The following DDX3X variants were observed in gnomAD, a reference collection of about 807,000 sequenced individuals.
DDX3X encodes the protein DEAD-box helicase 3 X-linked.
A neutral mutation model predicts 52.7 loss-of-function variants in DDX3X; 4 were observed. That is an observed-to-expected ratio of 0.08 (90% confidence interval 0.04 to 0.17). DDX3X has a LOEUF of 0.17. Among genes scored for constraint, DDX3X ranks in the 10% least tolerant of loss-of-function variants. DDX3X has a pLI of 1.00. For missense variants in DDX3X, 222 were observed against 548.6 expected (o/e 0.40, Z 5.95); for synonymous variants, 192 against 178.1 (o/e 1.08, Z -0.62).
intron 1 of DDX3X, chrX:41,334,558 G>A (rs1403876456): frequency 2.7e-6 from 3 of 1,094,173 alleles, no homozygotes; most frequent in East Asian, 6.8e-5. Context: ...GCGGGCGGAG[G>A]GGGAGGAAGT....
chrX:41,342,275 A>C (rs1398653496), intron 4 of DDX3X: 6 of 386,810 alleles, frequency 1.6e-5, no homozygotes, highest in Non-Finnish European at 2.6e-5. Flanking sequence ...CTTTTAGGCT[A>C]TACAACTTTA....
At chrX:41,344,995 A>C (rs1165485216) in intron 10 of DDX3X, among the ~76,000 whole-genome samples, 185 bp from the exon 11 acceptor site, 1 of 111,991 alleles carries the variant, frequency 8.9e-6, no homozygotes, top group African/African-American at 3.2e-5. Context: ...TGAATGACTT[A>C]TGTAGTGGCA....
Position 41,334,309 on chromosome X carries a change from G to T in DDX3X, c.45+12G>T. 2 of 1,210,232 alleles carry T rather than the reference G, an allele frequency of 1.7e-6. No individual in the cohort carries two copies. Among genetic ancestry groups the T allele is most frequent in the Admixed American group, 2.2e-5 (1 of 46,030 alleles). On this transcript the variant is annotated intron_variant, in intron 1 of 16. Coordinates refer to ENST00000644876, the MANE Select transcript of DDX3X (RefSeq NM_001356.5). ...GGCTGGACCAGCAGGTGAGCCGCAA[G>T]AACCCCACCGGGCTGGCTGCTGCGT...
chrX:41,341,688 T>G lies in DDX3X; in HGVS notation c.284+72T>G, dbSNP rs146299715. ...AATAAGTCGTTATCCTGACCACCTGTTTGGATGTTAAGCATTATGTCTGTT... is the reference window on the plus strand; with the variant it reads ...AATAAGTCGTTATCCTGACCACCTGGTTGGATGTTAAGCATTATGTCTGTT... On this transcript the variant is annotated intron_variant, in intron 4 of 16. Coordinates refer to ENST00000644876, the MANE Select transcript of DDX3X (RefSeq NM_001356.5). 865 of 1,020,952 alleles carry G rather than the reference T, an allele frequency of 8.5e-4. 10 individuals carry two copies. The African/African-American group carries it at 0.013, about 16-fold the overall frequency. 84.1% of individuals were successfully genotyped at this position (1,020,952 alleles called of 1,213,427 possible). A position where few individuals can be genotyped will look rare whatever the true frequency, so the allele number is the denominator to read the frequency against.
chrX:41,341,567 A>G lies in DDX3X; in HGVS notation c.235A>G (p.Arg79Gly). The change falls in exon 4 of 17, where the codon AGA becomes GGA. Residue 79 changes from arginine to glycine, a missense_variant. Arg to Gly is a moderately radical substitution (Grantham distance 125). Transcript: ENST00000644876. ...YSSFGSRSDS[R>G]GKSSFFSDRG... ...CAGTTTTGGATCTCGTAGTGATTCA[A>G]GAGGGAAGTCTAGCTTCTTCAGTGA... 2 of 1,211,241 alleles carry G rather than the reference A, an allele frequency of 1.7e-6. No homozygotes were observed. The highest frequency in any genetic ancestry group is 2.2e-6 in the Non-Finnish European group (2 of 894,791).
intron 5 of DDX3X, chrX:41,364,183 G>A (rs905082347): frequency 1.0e-5 from 3 of 292,420 alleles, no homozygotes; most frequent in African/African-American, 8.2e-5. Context: ...GGAGTAGGTG[G>A]GAGTATTAGG....
intron 1 of DDX3X, chrX:41,334,629 T>G (rs1381089593): frequency 9.3e-7 from 1 of 1,074,583 alleles, no homozygotes; most frequent in Non-Finnish European, 1.2e-6. Flanking sequence ...CCTGGGGGGG[T>G]TTGCGGGAGT....
chrX:41,334,137 G>A, upstream of DDX3X: 2 of 741,872 alleles, frequency 2.7e-6, no homozygotes, highest in Non-Finnish European at 4.0e-6. Flanking sequence ...GGGTATATTA[G>A]ATCCGTGGCC....
chrX:41,336,896 TCTAA>T (rs1236310228), intron 1 of DDX3X, among the ~76,000 whole-genome samples: 1 of 112,428 alleles, frequency 8.9e-6, no homozygotes, highest in Non-Finnish European at 1.9e-5. Context: ...GGATGAAGTA[TCTAA>T]CTAAAAGAAC....
intron 5 of DDX3X, among the ~76,000 whole-genome samples, chrX:41,363,737 C>T (rs188751325): frequency 1.8e-5 from 2 of 111,253 alleles, no homozygotes; most frequent in East Asian, 5.7e-4. Flanking sequence ...GAGCCGAGAT[C>T]GCACCATTGC....
At position 41,350,064 on chromosome X, in the gene DDX3X, T is replaced by G. The variant is rs2063971241; in HGVS notation, c.*2345T>G. 2 of 112,377 alleles carry G rather than the reference T, an allele frequency of 1.8e-5. No individual in the cohort carries two copies. Among genetic ancestry groups the G allele is most frequent in the Admixed American group, 9.5e-5 (1 of 10,508 alleles). The allele number at this position is 112,377 out of a possible 1,213,427, so 9.3% of individuals were successfully genotyped here. A position where few individuals can be genotyped will look rare whatever the true frequency, so the allele number is the denominator to read the frequency against. ...AGTTAATAAGGTTTCAAAAATCATG[T>G]AAGGATTTAAACTTGCTGAATGTAA... On this transcript the variant is annotated 3_prime_UTR_variant, in exon 17 of 17. Transcript: ENST00000644876.
intron 3 of DDX3X, chrX:41,340,467 A>G (rs779480905): frequency 1.9e-5 from 3 of 155,073 alleles, no homozygotes; most frequent in African/African-American, 3.1e-5. Context: ...TTTCTGTTTA[A>G]TAAGGTGTTG....
In DDX3X at chrX:41,334,185, G is replaced by A. The variant is rs1335685155; in HGVS notation, c.-68G>A. The A allele has an allele frequency of 5.5e-6, 6 of 1,088,900 alleles. No homozygotes were observed. The highest frequency in any genetic ancestry group is 7.6e-6 in the Non-Finnish European group (6 of 794,281). 89.7% of individuals were successfully genotyped at this position (1,088,900 alleles called of 1,213,427 possible). On this transcript the variant is annotated 5_prime_UTR_variant, in exon 1 of 17. Transcript: ENST00000644876. ...CCAGAGCCGCAGTTCTCCCGTGAGA[G>A]GGCCTTCGCGGTGGAACAAACACTC...
downstream of DDX3X, chrX:41,351,745 C>G (rs2063988410): frequency 9.0e-6 from 1 of 111,658 alleles, no homozygotes; most frequent in Non-Finnish European, 1.9e-5. Flanking sequence ...TCTAATGTGG[C>G]TGTCCTCTAT....
downstream of DDX3X, among the ~76,000 whole-genome samples, chrX:41,353,903 T>A (rs1186226506): frequency 9.0e-6 from 1 of 111,292 alleles, no homozygotes; most frequent in Admixed American, 9.7e-5. Flanking sequence ...AAAAGTAGGT[T>A]ACATCTCAGT....
At position 41,342,843 on chromosome X, in the gene DDX3X, A is replaced by G. The variant is rs2147350952; in HGVS notation, c.543+7A>G. 1 of 1,183,443 alleles carries G rather than the reference A, an allele frequency of 8.4e-7. No individual in the cohort carries two copies. ...TCCTCCACATATTGAAAGTGTGAGTATTTTTGCTTGACTTTTTAAGACACA... is the reference window on the plus strand; with the variant it reads ...TCCTCCACATATTGAAAGTGTGAGTGTTTTTGCTTGACTTTTTAAGACACA... On this transcript the variant is annotated splice_region_variant and intron_variant, in intron 6 of 16. Transcript: ENST00000644876.
At chrX:41,339,322 TAC>T (rs749891620) in intron 3 of DDX3X, 20 of 178,513 alleles carry the variant, frequency 1.1e-4, no homozygotes, top group African/African-American at 5.4e-4. Context: ...CATGGTTTTG[TAC>T]AGTTTCACTA....
At chrX:41,343,390 C>G in intron 7 of DDX3X, 39 bp downstream of exon 7, 6 of 1,134,035 alleles carry the variant, frequency 5.3e-6, no homozygotes, top group Non-Finnish European at 7.1e-6. Flanking sequence ...CATATTTCTT[C>G]TGTAAAGGAC....
intron 1 of DDX3X, chrX:41,335,759 A>G (rs2063757886): frequency 8.9e-6 from 1 of 112,230 alleles, no homozygotes; most frequent in Non-Finnish European, 1.9e-5. Context: ...TAATGAACCA[A>G]TTATATTAAA....
Sources: allele counts gnomAD v4.1 joint callset (sites outside exome capture counted in the v4.1 genomes callset), GRCh38; gene constraint gnomAD v4.1.1; transcripts MANE v1.5; gene names NCBI Gene and HGNC (gene_info 2026-07-23, HGNC 2026-07-21).